ABCB1: variants seen among roughly 807,000 people sequenced by gnomAD.
ABCB1 encodes ATP-dependent translocase ABCB1.
ABCB1 carries 69 observed loss-of-function variants against 142.0 expected under a neutral mutation model. The observed-to-expected ratio is 0.49, with a 90% confidence interval of 0.40 to 0.59. ABCB1 has a LOEUF of 0.59. Among genes scored for constraint, ABCB1 ranks in the 20% least tolerant of loss-of-function variants. The pLI, the probability that ABCB1 is intolerant of heterozygous loss-of-function variation, is 0.00. For missense variants in ABCB1, 1,326 were observed against 1,554.7 expected (o/e 0.85, Z 2.47); for synonymous variants, 532 against 539.2 (o/e 0.99, Z 0.18).
intron 1 of ABCB1, among the ~76,000 whole-genome samples, chr7:87,697,216 A>G (rs1192460742): frequency 2.0e-5 from 3 of 152,188 alleles, no homozygotes; most frequent in Admixed American, 1.3e-4. Context: ...GATTACCACT[A>G]TAGGTGGTTG....
chr7:87,681,152 A>C (rs1826892498), intron 1 of ABCB1, among the ~76,000 whole-genome samples: 1 of 150,626 alleles, frequency 6.6e-6, no homozygotes, highest in South Asian at 2.1e-4. Flanking sequence ...TAGATAACAC[A>C]AATAGTCCTA....
At chr7:87,703,991 G>T (rs546621995) in intron 1 of ABCB1, among the ~76,000 whole-genome samples, 39 of 118,520 alleles carry the variant, frequency 3.3e-4, no homozygotes, top group African/African-American at 1.2e-3. Flanking sequence ...TACGATCTCA[G>T]CTCACTGCAA....
chr7:87,704,591 G>A (rs953184970), intron 1 of ABCB1, among the ~76,000 whole-genome samples: 2 of 152,206 alleles, frequency 1.3e-5, no homozygotes, highest in Non-Finnish European at 2.9e-5. Context: ...TCCCTGCACA[G>A]CAATATGTTA....
At chr7:87,667,521 T>C (rs1825385310) in intron 1 of ABCB1, among the ~76,000 whole-genome samples, 1 of 152,134 alleles carries the variant, frequency 6.6e-6, no homozygotes, top group Admixed American at 6.6e-5. Flanking sequence ...GGACTTCCAT[T>C]ACTATTTTTA....
At position 87,550,775 on chromosome 7, in the gene ABCB1, A is replaced by G; in HGVS notation, c.1063T>C (p.Phe355Leu). 6.2e-7 allele frequency: 1 copy of G among 1,614,038 alleles called. No individual in the cohort carries two copies. ...VGQASPSIEAFANARGAAYEI... is the reference protein window; with the variant it reads ...VGQASPSIEALANARGAAYEI... ...TAAGCTGCTCCTCTTGCATTTGCAAATGCTTCAATGCTTGGAGATGCCTGT... is the reference window on the plus strand; with the variant it reads ...TAAGCTGCTCCTCTTGCATTTGCAAGTGCTTCAATGCTTGGAGATGCCTGT... The change falls in exon 10 of 28, where the codon TTT becomes CTT. Residue 355 changes from phenylalanine (F) to leucine (L), a missense_variant. Phe to Leu is a conservative substitution (Grantham distance 22). Transcript: ENST00000622132.
At chr7:87,613,609 CTAAG>C (rs879521014) in intron 1 of ABCB1, among the ~76,000 whole-genome samples, 2 of 152,246 alleles carry the variant, frequency 1.3e-5, no homozygotes, top group Middle Eastern at 3.4e-3. Flanking sequence ...AAACAGAAAA[CTAAG>C]TACCACATGC....
chr7:87,684,915 A>C (rs546972106), intron 1 of ABCB1, among the ~76,000 whole-genome samples: 1 of 152,164 alleles, frequency 6.6e-6, no homozygotes, highest in African/African-American at 2.4e-5. Context: ...GTGTGCAAAA[A>C]AAAAGTGAAC....
chr7:87,515,209 C>T (rs772191711), intron 25 of ABCB1, 22 bp downstream of exon 25: 1 of 1,612,478 alleles, frequency 6.2e-7, no homozygotes, highest in East Asian at 2.2e-5. Context: ...CTGAACTGAG[C>T]TAAATGTGAA....
At chr7:87,689,044 A>G (rs893956195) in intron 1 of ABCB1, among the ~76,000 whole-genome samples, 1 of 152,076 alleles carries the variant, frequency 6.6e-6, no homozygotes, top group African/African-American at 2.4e-5. Flanking sequence ...TTACATGAAC[A>G]TCACTTTCAA....
At chr7:87,693,671 T>C (rs1309495528) in intron 1 of ABCB1, among the ~76,000 whole-genome samples, 1 of 152,190 alleles carries the variant, frequency 6.6e-6, no homozygotes, top group East Asian at 1.9e-4. Context: ...TATTTTTGAC[T>C]TACAGACACC....
intron 20 of ABCB1, among the ~76,000 whole-genome samples, chr7:87,535,295 C>T (rs1816240737): frequency 6.6e-6 from 1 of 151,520 alleles, no homozygotes; most frequent in Non-Finnish European, 1.5e-5. Context: ...ACTTATGACT[C>T]TTCTTTTCAC....
intron 1 of ABCB1, among the ~76,000 whole-genome samples, chr7:87,623,284 A>G (rs1820290675): frequency 1.3e-5 from 2 of 152,214 alleles, no homozygotes. Flanking sequence ...GCCCTTCTAC[A>G]TGATAAAAAA....
chr7:87,580,434 C>G (rs1035137866), intron 4 of ABCB1, among the ~76,000 whole-genome samples: 8 of 152,212 alleles, frequency 5.3e-5, no homozygotes, highest in Middle Eastern at 3.4e-3. Context: ...GTTGGAGCTC[C>G]TTTGTATGTT....
chr7:87,539,969 T>C (rs1816460165), intron 18 of ABCB1, among the ~76,000 whole-genome samples: 1 of 152,180 alleles, frequency 6.6e-6, no homozygotes, highest in African/African-American at 2.4e-5. Context: ...CAAACACCTG[T>C]GGTATTAATA....
intron 1 of ABCB1, among the ~76,000 whole-genome samples, chr7:87,641,721 T>G (rs1293136881): frequency 2.6e-4 from 40 of 152,228 alleles, no homozygotes; most frequent in Non-Finnish European, 4.4e-5. Context: ...AAATATTTTA[T>G]GAAAGAAAGA....
At chr7:87,629,920 CAAAAA>C (rs202130650) in intron 1 of ABCB1, among the ~76,000 whole-genome samples, 1 of 112,708 alleles carries the variant, frequency 8.9e-6, no homozygotes. Context: ...GAGACTTCGT[CAAAAA>C]AAAAAAAAAA....
At chr7:87,620,361 T>C (rs1304066185) in intron 1 of ABCB1, among the ~76,000 whole-genome samples, 2 of 152,160 alleles carry the variant, frequency 1.3e-5, no homozygotes, top group African/African-American at 4.8e-5. Flanking sequence ...TGTTTCACCA[T>C]GGTGGTCAGG....
intron 3 of ABCB1, among the ~76,000 whole-genome samples, chr7:87,592,317 A>T (rs1299199032): frequency 2.0e-5 from 3 of 152,212 alleles, no homozygotes; most frequent in African/African-American, 7.2e-5. Context: ...TAGTCTTAAG[A>T]CTAAAACTCT....
At chr7:87,709,586 C>A in intron 1 of ABCB1, 1 of 873,422 alleles carries the variant, frequency 1.1e-6, no homozygotes, top group Non-Finnish European at 1.4e-6. Context: ...TCTAGCCTGA[C>A]AGGTTTTAAC....
Sources: gnomAD v4.1 joint callset for allele counts (sites outside exome capture counted in the v4.1 genomes callset) on GRCh38, gnomAD v4.1.1 for gene constraint, MANE v1.5 for transcripts, NCBI Gene and HGNC (gene_info 2026-07-23, HGNC 2026-07-21) for gene names.